The following MTM1 variants were observed in gnomAD, a reference collection of about 807,000 sequenced individuals.
The protein encoded by MTM1 is myotubularin.
A neutral mutation model predicts 52.1 loss-of-function variants in MTM1; 9 were observed. The ratio of observed to expected loss-of-function variants is 0.17; its 90% confidence interval spans 0.10 to 0.30. The LOEUF (loss-of-function observed/expected upper bound fraction) is 0.30, where lower values mean the gene tolerates loss of function less well. Among genes scored for constraint, MTM1 ranks in the 10% least tolerant of loss-of-function variants. The pLI, the probability that MTM1 is intolerant of heterozygous loss-of-function variation, is 1.00. For synonymous variants in MTM1, 136 were observed against 163.8 expected (o/e 0.83, Z 1.29); for missense variants, 277 against 470.7 (o/e 0.59, Z 3.81).
chrX:150,601,820 T>C (rs781848774), intron 4 of MTM1, among the ~76,000 whole-genome samples: 61 of 112,386 alleles, frequency 5.4e-4, no homozygotes, highest in African/African-American at 2.0e-3. Context: ...GTGAAATCCA[T>C]TCTCTTGGTA....
chrX:150,649,013 G>A (rs1357248508), intron 9 of MTM1, among the ~76,000 whole-genome samples: 1 of 112,674 alleles, frequency 8.9e-6, no homozygotes, highest in Non-Finnish European at 1.9e-5. Flanking sequence ...CAGCACTGCT[G>A]AAGAGAGAAA....
At chrX:150,609,078 C>T (rs34086419) in intron 4 of MTM1, among the ~76,000 whole-genome samples, 16,850 of 110,603 alleles carry the variant, frequency 0.15, 1,164 homozygotes, top group African/African-American at 0.28. Flanking sequence ...CCACCAACCT[C>T]GGCCTCCCAA....
At chrX:150,648,342 CA>C (rs1278357976) in intron 9 of MTM1, among the ~76,000 whole-genome samples, 2 of 110,113 alleles carry the variant, frequency 1.8e-5, no homozygotes, top group Non-Finnish European at 1.9e-5. Context: ...AAACAAAAAA[CA>C]AAAAAAAACC....
chrX:150,613,860 C>T (rs1384692319), intron 4 of MTM1, among the ~76,000 whole-genome samples: 3 of 112,119 alleles, frequency 2.7e-5, no homozygotes, highest in African/African-American at 9.7e-5. Context: ...TTGCACCCAG[C>T]GTTGGATAGC....
chrX:150,635,574 G>A (rs1557413692), intron 6 of MTM1, among the ~76,000 whole-genome samples: 1 of 112,003 alleles, frequency 8.9e-6, no homozygotes, highest in East Asian at 2.8e-4. Flanking sequence ...CCACTTGTAG[G>A]GGATTTTATG....
At chrX:150,664,364 G>A (rs1277629295) in intron 14 of MTM1, among the ~76,000 whole-genome samples, 1 of 112,860 alleles carries the variant, frequency 8.9e-6, no homozygotes, top group African/African-American at 3.2e-5. Flanking sequence ...ATAAGCACCA[G>A]CTTTAATGCC....
chrX:150,596,753 T>C (rs782575956), intron 3 of MTM1, 183 bp downstream of exon 3: 16 of 421,722 alleles, frequency 3.8e-5, no homozygotes, highest in Non-Finnish European at 6.7e-5. Flanking sequence ...GAGAGCTTCA[T>C]GCTCACAAGG....
rs147644722 is a variant in MTM1, at chrX:150,614,696, T to C, written c.339T>C (p.Cys113=). The change falls in exon 5 of 15, where the codon TGT becomes TGC. Residue 113 remains cysteine (C), a synonymous_variant. Transcript: ENST00000370396. ...ATTCCTATGGTCTAGATATTACTTG[T>C]AAAGTAAGAGATTCGATACTTTCTT... ...GENSYGLDIT[C]KDMRNLRFAL... is the part of the protein sequence containing the mutation. 242 of 1,058,315 alleles carry C rather than the reference T, an allele frequency of 2.3e-4. No individual in the cohort carries two copies. In the African/African-American group the frequency reaches 3.7e-3, roughly 16 times the overall value. The allele number at this position is 1,058,315 out of a possible 1,213,427, so 87.2% of individuals were successfully genotyped here.
chrX:150,641,225 T>C (rs2039842582), intron 7 of MTM1, 44 bp from the exon 8 acceptor site: 2 of 1,206,412 alleles, frequency 1.7e-6, no homozygotes, highest in Non-Finnish European at 2.2e-6. Flanking sequence ...AATCCAGAGA[T>C]GAGGTCAAGC....
intron 6 of MTM1, among the ~76,000 whole-genome samples, chrX:150,626,555 G>A (rs895214754): frequency 7.2e-5 from 8 of 111,273 alleles, no homozygotes; most frequent in Admixed American, 4.8e-4. Context: ...TGATCCGCCC[G>A]CCTCAGCCTC....
chrX:150,616,055 TTTCA>T (rs2039379580), intron 5 of MTM1, among the ~76,000 whole-genome samples: 1 of 111,238 alleles, frequency 9.0e-6, no homozygotes, highest in African/African-American at 3.3e-5. Flanking sequence ...TTGAGGTGAC[TTTCA>T]TTCTTACAGG....
At chrX:150,664,886 C>T (rs782646507) in intron 14 of MTM1, among the ~76,000 whole-genome samples, 10 of 112,085 alleles carry the variant, frequency 8.9e-5, no homozygotes, top group Non-Finnish European at 1.5e-4. Flanking sequence ...GTCCTGTAAT[C>T]TCTTCTCACC....
At chrX:150,626,213 TTAG>T (rs1280145587) in intron 6 of MTM1, among the ~76,000 whole-genome samples, 1 of 112,708 alleles carries the variant, frequency 8.9e-6, no homozygotes, top group Non-Finnish European at 1.9e-5. Context: ...TTCATAAAAG[TTAG>T]TAGAGTGCGT....
At position 150,630,795 on chromosome X, in the gene MTM1, G is replaced by A. The variant is rs782792878; in HGVS notation, c.445-8148G>A. ...AAACCACCCCCACGTGTGGTGATTC[G>A]ATAACAGGACTCACTGGACTCATAT... On this transcript the variant is annotated intron_variant, in intron 6 of 14. Coordinates refer to ENST00000370396, the MANE Select transcript of MTM1 (RefSeq NM_000252.3). 6.3e-5 allele frequency among the ~76,000 whole-genome samples: 7 copies of A among 111,704 alleles called. No homozygotes were observed. In the East Asian group the frequency reaches 1.4e-3, roughly 23 times the overall value.
intron 3 of MTM1, 152 bp from the exon 4 acceptor site, chrX:150,598,440 A>G: frequency 2.3e-6 from 1 of 437,781 alleles, no homozygotes; most frequent in Non-Finnish European, 4.1e-6. Context: ...ACGGTAATGT[A>G]GAAACATTGC....
intron 6 of MTM1, among the ~76,000 whole-genome samples, chrX:150,636,343 T>C (rs1294007669): frequency 8.9e-6 from 1 of 112,048 alleles, no homozygotes; most frequent in Non-Finnish European, 1.9e-5. Flanking sequence ...TAGCTTTGAT[T>C]TTCTGATAAC....
intron 4 of MTM1, among the ~76,000 whole-genome samples, chrX:150,610,646 T>C (rs222364): frequency 0.35 from 38,399 of 110,687 alleles, 5,128 homozygotes; most frequent in South Asian, 0.58. Context: ...GGTTATCTGA[T>C]CTTGAATGTG....
In MTM1 at chrX:150,654,778, T is replaced by A. The variant is rs782322272; in HGVS notation, c.1054-3043T>A. On this transcript the variant is annotated intron_variant, in intron 10 of 14. Transcript: ENST00000370396. Reference sequence around the variant, plus strand: ...CATCAGATCTTTCACTTGGTCTGCCTTTTCTGTGAATTAGTTAAAATAAGC... The same window carrying A: ...CATCAGATCTTTCACTTGGTCTGCCATTTCTGTGAATTAGTTAAAATAAGC... Among the ~76,000 whole-genome samples, 6 of 111,836 alleles carry A rather than the reference T, an allele frequency of 5.4e-5. No homozygotes were observed. In the East Asian group the frequency reaches 1.7e-3, roughly 31 times the overall value.
intron 1 of MTM1, among the ~76,000 whole-genome samples, chrX:150,575,963 G>A (rs1443230648): frequency 9.0e-6 from 1 of 110,963 alleles, no homozygotes; most frequent in Non-Finnish European, 1.9e-5. Flanking sequence ...CAGGCGTGAG[G>A]GAGAACCTGT....
Sources: allele counts gnomAD v4.1 joint callset (sites outside exome capture counted in the v4.1 genomes callset), GRCh38; gene constraint gnomAD v4.1.1; transcripts MANE v1.5; gene names NCBI Gene and HGNC (gene_info 2026-07-23, HGNC 2026-07-21).